Variants in DYNC2H1 observed in about 807,000 individuals in gnomAD.
DYNC2H1 encodes cytoplasmic dynein 2 heavy chain 1.
In DYNC2H1, 410 loss-of-function variants were observed where a neutral mutation model predicts 570.0. That is an observed-to-expected ratio of 0.72 (90% CI 0.66 to 0.78). The LOEUF is 0.78. Ranked by LOEUF, DYNC2H1 falls within the 30% of genes least tolerant of loss-of-function variation. The probability of loss-of-function intolerance (pLI) is 0.00; values close to 1 mark genes in which losing one functional copy is unlikely to be tolerated. For missense variants in DYNC2H1, 4,865 were observed against 5,046.4 expected (o/e 0.96, Z 1.09); for synonymous variants, 1,688 against 1,677.6 (o/e 1.01, Z -0.15).
At position 103,252,099 on chromosome 11, in the gene DYNC2H1, CA is replaced by C. The variant is rs1433808314; in HGVS notation, c.10043-1185del. ...ACCATCATGCCCAGCTAATTAAAAACATTTTTTTTTTTTTTTGCAAAGACGA... is the reference window on the plus strand; with the variant it reads ...ACCATCATGCCCAGCTAATTAAAAACTTTTTTTTTTTTTTTGCAAAGACGA... On this transcript the variant is annotated intron_variant, in intron 65 of 88. Transcript: ENST00000375735. This position sits in a 1 kb window ranked among gnomAD's most constrained non-coding sequence, Gnocchi z 4.6. Among the ~76,000 whole-genome samples the C allele has an allele frequency of 7.8e-6, 1 of 127,524 alleles. No individual in the cohort carries two copies. Among genetic ancestry groups the C allele is most frequent in the Non-Finnish European group, 1.7e-5 (1 of 59,420 alleles). 83.7% of individuals were successfully genotyped at this position (127,524 alleles called of 152,430 possible).
Position 103,324,683 on chromosome 11 carries a change from A to G in DYNC2H1, c.12039+693A>G, listed in dbSNP as rs1244506077. Among the ~76,000 whole-genome samples the G allele has an allele frequency of 6.6e-6, 1 of 152,130 alleles. No individual in the cohort carries two copies. The highest frequency in any genetic ancestry group is 6.5e-5 in the Admixed American group (1 of 15,268). ...TGCTGCAGTGAACATTCATGTGCAT[A>G]TGTCTTTATGGTAGAACCATTTATA... On this transcript the variant is annotated intron_variant, in intron 82 of 88. Coordinates refer to ENST00000375735, the MANE Select transcript of DYNC2H1 (RefSeq NM_001377.3). The surrounding 1 kb of genome is among the most constrained non-coding windows in gnomAD (Gnocchi z 5.2).
intron 70 of DYNC2H1, among the ~76,000 whole-genome samples, chr11:103,278,538 G>T (rs368991879): frequency 2.0e-5 from 3 of 152,120 alleles, no homozygotes; most frequent in Admixed American, 1.3e-4. Flanking sequence ...TTTATATCCA[G>T]TTTCTTGATT....
At position 103,170,891 on chromosome 11, in the gene DYNC2H1, C is replaced by G; in HGVS notation, c.5157C>G (p.Ile1719Met). The change falls in exon 34 of 89, where the codon ATC becomes ATG. Residue 1719 changes from isoleucine (I) to methionine (M), a missense_variant. By Grantham distance (10) the Ile-to-Met change is conservative (BLOSUM62 1). Around this residue, in one of 5 missense-constraint regions of DYNC2H1, gnomAD observed 292 missense variants for 300.2 expected, o/e 0.97. Transcript: ENST00000375735. The surrounding 1 kb of genome is among the most constrained non-coding windows in gnomAD (Gnocchi z 4.8). ...TTTTTATTGTTGTTTTTAAGGGCAT[C>G]GATGTGAAGTCAATGGGACGAATAT... ...QVLVFNCDEGIDVKSMGRIFV... is the reference protein window; with the variant it reads ...QVLVFNCDEGMDVKSMGRIFV... 1 of 1,490,288 alleles carries G rather than the reference C, an allele frequency of 6.7e-7. No homozygotes were observed. Among genetic ancestry groups the G allele is most frequent in the Middle Eastern group, 1.8e-4 (1 of 5,572 alleles). 92.3% of individuals were successfully genotyped at this position (1,490,288 alleles called of 1,614,324 possible).
intron 73 of DYNC2H1, among the ~76,000 whole-genome samples, chr11:103,283,550 A>C (rs1406675952): frequency 6.6e-6 from 1 of 152,202 alleles, no homozygotes; most frequent in Non-Finnish European, 1.5e-5. Flanking sequence ...TGATAAAAAC[A>C]GTAAGAATAG....
intron 59 of DYNC2H1, among the ~76,000 whole-genome samples, chr11:103,229,428 A>G (rs1224749220): frequency 2.6e-5 from 4 of 152,184 alleles, no homozygotes; most frequent in Non-Finnish European, 5.9e-5. Context: ...GACATTATCT[A>G]TTAATTTCAT....
chr11:103,477,832 C>CAAGA, intron 88 of DYNC2H1, among the ~76,000 whole-genome samples: 1 of 72,620 alleles, frequency 1.4e-5, no homozygotes. Flanking sequence ...CTCCCCATCT[C>CAAGA]AAAAAAAAAA....
rs1439955268 is a variant in DYNC2H1 at position 103,199,052 on chromosome 11, A to G, written c.7840-176A>G. Among the ~76,000 whole-genome samples, 1 of 152,170 alleles carries G rather than the reference A, an allele frequency of 6.6e-6. No individual in the cohort carries two copies. Among genetic ancestry groups the G allele is most frequent in the Non-Finnish European group, 1.5e-5 (1 of 68,028 alleles). On this transcript the variant is annotated intron_variant, in intron 48 of 88. Transcript: ENST00000375735. The surrounding 1 kb of genome is among the most constrained non-coding windows in gnomAD (Gnocchi z 4.6). ...ATGAGTTTTTCCTTAGAGAATGCCAATATATTTATCCAGGATTACCAGACA... is the reference window on the plus strand; with the variant it reads ...ATGAGTTTTTCCTTAGAGAATGCCAGTATATTTATCCAGGATTACCAGACA...
At chr11:103,336,694 TTATC>T (rs1353122466) in intron 82 of DYNC2H1, among the ~76,000 whole-genome samples, 2 of 152,228 alleles carry the variant, frequency 1.3e-5, no homozygotes, top group African/African-American at 4.8e-5. Flanking sequence ...TATTTTTTCT[TTATC>T]CATTCATCTG....
chr11:103,402,326 TAATA>T (rs1305372508), intron 84 of DYNC2H1: 2 of 152,192 alleles, frequency 1.3e-5, no homozygotes, highest in African/African-American at 4.8e-5. Flanking sequence ...ACTTCTGAGA[TAATA>T]AATAGGATTA....
At chr11:103,343,500 G>A (rs61100530) in intron 82 of DYNC2H1, among the ~76,000 whole-genome samples, 9,420 of 152,170 alleles carry the variant, frequency 0.062, 330 homozygotes, top group Non-Finnish European at 0.072. Flanking sequence ...AAGCCCCATC[G>A]GGGGTGGGGA....
chr11:103,257,550 T>A (rs1270709411), intron 68 of DYNC2H1, 58 bp from the exon 69 acceptor site: 2 of 1,489,138 alleles, frequency 1.3e-6, no homozygotes, highest in African/African-American at 2.8e-5. Flanking sequence ...TAGGTGGCAG[T>A]AAAGCACTAA....
intron 70 of DYNC2H1, among the ~76,000 whole-genome samples, chr11:103,266,771 A>G (rs1432898270): frequency 1.3e-5 from 2 of 152,080 alleles, no homozygotes; most frequent in African/African-American, 4.8e-5. Context: ...CTGCTAATGC[A>G]GGTCCCCTGG....
rs1860082344 is a variant in DYNC2H1 at position 103,143,610 on chromosome 11, A to G, written c.2702+215A>G. 2.0e-5 allele frequency among the ~76,000 whole-genome samples: 3 copies of G among 152,168 alleles called. No individual in the cohort carries two copies. The South Asian group carries it at 6.2e-4, about 32-fold the overall frequency. On this transcript the variant is annotated intron_variant, in intron 18 of 88. Transcript: ENST00000375735. ...GCTGGCGGAGACCTATTTAGGTAAAATAGACTGAAGAAAGAGGCTTCTATC... is the reference window on the plus strand; with the variant it reads ...GCTGGCGGAGACCTATTTAGGTAAAGTAGACTGAAGAAAGAGGCTTCTATC...
chr11:103,351,429 G>T (rs570933611), intron 82 of DYNC2H1, among the ~76,000 whole-genome samples: 146 of 152,292 alleles, frequency 9.6e-4, no homozygotes, highest in African/African-American at 3.2e-3. Flanking sequence ...TATGGGAGGA[G>T]AAGAACATTA....
At chr11:103,274,491 T>G (rs772231870) in intron 70 of DYNC2H1, among the ~76,000 whole-genome samples, 2 of 149,692 alleles carry the variant, frequency 1.3e-5, no homozygotes, top group Admixed American at 6.6e-5. Context: ...TCGATAATTA[T>G]GTATTTCTTT....
At chr11:103,191,126 G>A (rs1341347928) in intron 45 of DYNC2H1, among the ~76,000 whole-genome samples, 1 of 148,094 alleles carries the variant, frequency 6.8e-6, no homozygotes, top group Admixed American at 6.8e-5. Context: ...TGCAACCTCT[G>A]CCTCCTTGGT....
chr11:103,212,403 T>C (rs537053865), intron 54 of DYNC2H1, among the ~76,000 whole-genome samples: 74 of 151,860 alleles, frequency 4.9e-4, no homozygotes, highest in African/African-American at 1.7e-3. Context: ...AAAGAACTTA[T>C]GTAAGCAAAT....
intron 75 of DYNC2H1, among the ~76,000 whole-genome samples, chr11:103,301,364 T>C (rs1393071288): frequency 1.3e-5 from 2 of 151,964 alleles, no homozygotes; most frequent in Non-Finnish European, 2.9e-5. Flanking sequence ...CAAGGCCATG[T>C]ACATTTTTAA....
At chr11:103,154,036 G>T (rs1456152050) in intron 22 of DYNC2H1, among the ~76,000 whole-genome samples, 1 of 151,822 alleles carries the variant, frequency 6.6e-6, no homozygotes, top group Non-Finnish European at 1.5e-5. Flanking sequence ...ATACTGATTA[G>T]ATTAAGGATA....
Sources: allele counts gnomAD v4.1 joint callset (sites outside exome capture counted in the v4.1 genomes callset), GRCh38; gene constraint gnomAD v4.1.1; regional missense constraint gnomAD v4.1.1; non-coding constraint Gnocchi (gnomAD v3.1); transcripts MANE v1.5; gene names NCBI Gene and HGNC (gene_info 2026-07-23, HGNC 2026-07-21).